The following ABHD5 variants were observed in gnomAD, a reference collection of about 807,000 sequenced individuals.
ABHD5 encodes the protein 1-acylglycerol-3-phosphate O-acyltransferase ABHD5.
Under a neutral mutation model 44.9 loss-of-function variants are expected in ABHD5, and 30 were observed. The ratio of observed to expected loss-of-function variants is 0.67; its 90% confidence interval spans 0.50 to 0.91. ABHD5 has a LOEUF of 0.91. ABHD5 is among the 40% of genes least tolerant of loss of function. ABHD5 has a pLI of 0.00. For synonymous variants in ABHD5, 167 were observed against 147.0 expected (o/e 1.14, Z -0.99); for missense variants, 399 against 423.4 (o/e 0.94, Z 0.50).
At position 43,701,196 on chromosome 3, in the gene ABHD5, A is replaced by G. The variant is rs142725686; in HGVS notation, c.134-1019A>G. On this transcript the variant is annotated intron_variant, in intron 2 of 6. Coordinates refer to ENST00000644371, the MANE Select transcript of ABHD5 (RefSeq NM_016006.6). ...GAATACACAGACGTATGTGTTCAAA[A>G]TGCTGAAGTGGTTTGGCTTGGCACT... 6.5e-4 allele frequency among the ~76,000 whole-genome samples: 99 copies of G among 152,354 alleles called. 2 individuals carry two copies. The highest frequency in any genetic ancestry group is 2.3e-3 in the African/African-American group (96 of 41,584).
intron 2 of ABHD5, 160 bp downstream of exon 2, chr3:43,699,521 C>T (rs975937879): frequency 4.4e-5 from 33 of 742,050 alleles, no homozygotes; most frequent in Middle Eastern, 2.4e-4. Context: ...AAATGAATGT[C>T]GGGGGCTGGC....
chr3:43,714,963 G>A lies in ABHD5; in HGVS notation c.678G>A (p.Gln226=), dbSNP rs780412376. The A allele has an allele frequency of 6.2e-7, 1 of 1,612,892 alleles. No homozygotes were observed. The highest frequency in any genetic ancestry group is 1.1e-5 in the South Asian group (1 of 91,046). The part of the protein sequence containing the change: ...IAGPFGLSLV[Q]RLRPDFKRKY... ...GTTAAATAGGTTTAAGTCTAGTGCA[G>A]CGTTTAAGGCCTGATTTCAAACGAA... The change falls in exon 5 of 7, where the codon CAG becomes CAA. Residue 226 remains glutamine, a synonymous_variant. Coordinates refer to ENST00000644371, the MANE Select transcript of ABHD5 (RefSeq NM_016006.6).
At chr3:43,693,679 C>T (rs1252770863) in intron 1 of ABHD5, among the ~76,000 whole-genome samples, 2 of 150,822 alleles carry the variant, frequency 1.3e-5, no homozygotes, top group East Asian at 1.9e-4. Flanking sequence ...ATTAGACATT[C>T]TAGGTCTTAA....
intron 7 of ABHD5, among the ~76,000 whole-genome samples, chr3:43,733,448 C>T (rs894067061): frequency 7.2e-5 from 11 of 152,182 alleles, no homozygotes; most frequent in Non-Finnish European, 1.6e-4. Context: ...AACAGTTTGG[C>T]GCCATTAACA....
chr3:43,697,693 A>G (rs2084490484), intron 1 of ABHD5, among the ~76,000 whole-genome samples: 1 of 152,238 alleles, frequency 6.6e-6, no homozygotes, highest in Non-Finnish European at 1.5e-5. Flanking sequence ...AAAGTACAAT[A>G]TATGAAAAGA....
downstream of ABHD5, among the ~76,000 whole-genome samples, chr3:43,724,024 A>C (rs1048679917): frequency 1.3e-5 from 2 of 152,226 alleles, no homozygotes; most frequent in Non-Finnish European, 2.9e-5. Flanking sequence ...AGAAAAAGTC[A>C]GTTGTCAGAA....
At position 43,718,637 on chromosome 3, in the gene ABHD5, C is replaced by G. The variant is rs540845485; in HGVS notation, c.*105C>G. The G allele has an allele frequency of 1.2e-4, 133 of 1,092,628 alleles. No homozygotes were observed. The African/African-American group carries it at 1.6e-3, about 13-fold the overall frequency. The allele number at this position is 1,092,628 out of a possible 1,614,324, so 67.7% of individuals were successfully genotyped here. On this transcript the variant is annotated 3_prime_UTR_variant, in exon 7 of 7. Transcript: ENST00000644371. ...GTGAATACAACACACAACCAGGCAG[C>G]CTTCTTGACTATACTTTGCACATGT...
intron 4 of ABHD5, 29 bp from the exon 5 acceptor site, chr3:43,714,918 A>C: frequency 6.7e-7 from 1 of 1,498,948 alleles, no homozygotes; most frequent in Non-Finnish European, 9.3e-7. Context: ...AATTTAAAAC[A>C]TGCATTTTTT....
At position 43,718,782 on chromosome 3, in the gene ABHD5, AG is replaced by A; in HGVS notation, c.*252del. On this transcript the variant is annotated 3_prime_UTR_variant, in exon 7 of 7. Coordinates refer to ENST00000644371, the MANE Select transcript of ABHD5 (RefSeq NM_016006.6). ...TCTAAATATAATACCTTTAAATAAA[AG>A]GTTATTTGTCCCTCTGATGTACTGA... is the stretch of plus-strand genomic sequence containing the variant. 1 of 434,370 alleles carries A rather than the reference AG, an allele frequency of 2.3e-6. No individual in the cohort carries two copies. The highest frequency in any genetic ancestry group is 4.2e-6 in the Non-Finnish European group (1 of 239,658). The allele number at this position is 434,370 out of a possible 1,614,324, so 26.9% of individuals were successfully genotyped here.
At chr3:43,691,334 A>C (rs533982155) in intron 1 of ABHD5, 4 of 247,520 alleles carry the variant, frequency 1.6e-5, no homozygotes. Context: ...TGTATAAGCC[A>C]CCCCGCGGGC....
exon 8 of ABHD5, chr3:43,734,218 C>G (rs558112886): frequency 1.3e-5 from 2 of 152,328 alleles, no homozygotes; most frequent in South Asian, 4.1e-4. Context: ...CCTGGGAGAT[C>G]ACACCCCTGC....
chr3:43,724,824 A>C (rs2084867553), downstream of ABHD5, among the ~76,000 whole-genome samples: 1 of 152,228 alleles, frequency 6.6e-6, no homozygotes, highest in African/African-American at 2.4e-5. Flanking sequence ...CATTTTGAGG[A>C]GGATAAATAT....
chr3:43,718,302 G>C, intron 6 of ABHD5, 141 bp from the exon 7 acceptor site: 2 of 759,022 alleles, frequency 2.6e-6, no homozygotes, highest in Non-Finnish European at 4.8e-6. Flanking sequence ...AGTTACTATA[G>C]ATTATTGTTA....
intron 3 of ABHD5, among the ~76,000 whole-genome samples, chr3:43,707,372 C>T (rs1378901145): frequency 6.6e-6 from 1 of 152,118 alleles, no homozygotes; most frequent in Non-Finnish European, 1.5e-5. Flanking sequence ...TCTGATTGTA[C>T]AGAACTGAGC....
In ABHD5 at chr3:43,719,692, T is replaced by A. The variant is rs2084810429; in HGVS notation, c.*1160T>A. ...CAAGTGTAGCATTTTCTTGCAGTTT[T>A]AAAATGAGGAAAACTTCTTTGAAAC... On this transcript the variant is annotated 3_prime_UTR_variant, in exon 7 of 7. Transcript: ENST00000644371. The A allele has an allele frequency of 6.6e-6, 1 of 152,194 alleles. No individual in the cohort carries two copies. The highest frequency in any genetic ancestry group is 2.1e-4 in the South Asian group (1 of 4,832). The allele number at this position is 152,194 out of a possible 1,614,324, so 9.4% of individuals were successfully genotyped here. A position where few individuals can be genotyped will look rare whatever the true frequency, so the allele number is the denominator to read the frequency against.
intron 3 of ABHD5, among the ~76,000 whole-genome samples, chr3:43,706,464 G>GTTACCTTT (rs1176485924): frequency 6.6e-6 from 1 of 151,378 alleles, no homozygotes; most frequent in African/African-American, 2.4e-5. Context: ...CTTTGAGAAT[G>GTTACCTTT]TTACCTTTTT....
Position 43,708,725 on chromosome 3 carries a change from A to C in ABHD5, c.507-2984A>C, listed in dbSNP as rs550556392. Among the ~76,000 whole-genome samples the C allele has an allele frequency of 2.0e-5, 3 of 152,356 alleles. No homozygotes were observed. In the South Asian group the frequency reaches 6.2e-4, roughly 32 times the overall value. On this transcript the variant is annotated intron_variant, in intron 3 of 6. Transcript: ENST00000644371. ...TTTACATGTAGTAGAAGCAGATGAT[A>C]TATAACTACAGTTAACTATAGTTTA...
downstream of ABHD5, among the ~76,000 whole-genome samples, chr3:43,724,954 T>C (rs1028454316): frequency 3.3e-5 from 5 of 152,234 alleles, no homozygotes; most frequent in Admixed American, 3.3e-4. Context: ...CTGTAAAATA[T>C]AGAAAAATCT....
chr3:43,697,980 A>G (rs1470182589), intron 1 of ABHD5, among the ~76,000 whole-genome samples: 1 of 152,220 alleles, frequency 6.6e-6, no homozygotes, highest in Non-Finnish European at 1.5e-5. Flanking sequence ...ATTGTGAGTG[A>G]CTTAATCACT....
Sources: gnomAD v4.1 joint callset for allele counts (sites outside exome capture counted in the v4.1 genomes callset) on GRCh38, gnomAD v4.1.1 for gene constraint, MANE v1.5 for transcripts, NCBI Gene and HGNC (gene_info 2026-07-23, HGNC 2026-07-21) for gene names.